Variants in RIMBP2 observed in about 807,000 individuals in gnomAD.
RIMBP2 encodes RIMS-binding protein 2.
A neutral mutation model predicts 118.6 loss-of-function variants in RIMBP2; 48 were observed. The ratio of observed to expected loss-of-function variants is 0.40; its 90% confidence interval spans 0.32 to 0.51. The LOEUF (loss-of-function observed/expected upper bound fraction) is 0.51. RIMBP2 is among the 20% of genes least tolerant of loss of function. RIMBP2 has a pLI of 0.41. For missense variants in RIMBP2, 1,551 were observed against 1,768.3 expected (o/e 0.88, Z 2.20); for synonymous variants, 762 against 742.9 (o/e 1.03, Z -0.42).
At chr12:130,618,707 TA>T (rs1276866660) in intron 2 of RIMBP2, among the ~76,000 whole-genome samples, 14 of 152,206 alleles carry the variant, frequency 9.2e-5, no homozygotes, top group Non-Finnish European at 2.9e-5. Flanking sequence ...GGAAAGTGCC[TA>T]GACGGAAACA....
intron 2 of RIMBP2, among the ~76,000 whole-genome samples, chr12:130,565,219 C>T (rs1292181862): frequency 6.6e-6 from 1 of 151,998 alleles, no homozygotes; most frequent in African/African-American, 2.4e-5. Context: ...AGTTCAGATG[C>T]CTATTATTTA....
At chr12:130,414,972 A>C (rs2076015666) in intron 17 of RIMBP2, among the ~76,000 whole-genome samples, 1 of 152,224 alleles carries the variant, frequency 6.6e-6, no homozygotes, top group Non-Finnish European at 1.5e-5. Flanking sequence ...TTCTACCAAC[A>C]TACAAAGAAG....
At chr12:130,537,928 C>G (rs1021265731) in intron 2 of RIMBP2, among the ~76,000 whole-genome samples, 1 of 152,206 alleles carries the variant, frequency 6.6e-6, no homozygotes, top group Non-Finnish European at 1.5e-5. Context: ...AGCACACTTG[C>G]TCTTGCTGTC....
Position 130,511,159 on chromosome 12 carries a change from GAC to G in RIMBP2, c.-126-4391_-126-4390del, listed in dbSNP as rs74564239. Among the ~76,000 whole-genome samples, 11,140 of 152,028 alleles carry G rather than the reference GAC, an allele frequency of 0.073. 525 individuals carry two copies. The highest frequency in any genetic ancestry group is 0.16 in the East Asian group (832 of 5,152). ...CCTTATCAGGAAAAGCAGAGTCAGA[GAC>G]AAAAAAGAGAGAGCTTAGGTGATGC... On this transcript the variant is annotated intron_variant, in intron 3 of 22. Coordinates refer to ENST00000690449, the MANE Select transcript of RIMBP2 (RefSeq NM_001393629.1). This position sits in a 1 kb window ranked among gnomAD's most constrained non-coding sequence, Gnocchi z 4.3.
rs866136775 is a variant in RIMBP2, at chr12:130,446,636, C to T, written c.582-1367G>A. The stretch of plus-strand genomic sequence containing the variant: ...TCTAACACAAAGCTCGGCAGTGGAA[C>T]GGGACAAGAGCTCTGGAAGAAGGAA... On this transcript the variant is annotated intron_variant, in intron 9 of 22. Coordinates refer to ENST00000690449, the MANE Select transcript of RIMBP2 (RefSeq NM_001393629.1). The surrounding 1 kb of genome is among the most constrained non-coding windows in gnomAD (Gnocchi z 4.1). Among the ~76,000 whole-genome samples the T allele has an allele frequency of 1.3e-5, 2 of 152,124 alleles. No individual in the cohort carries two copies. Among genetic ancestry groups the T allele is most frequent in the African/African-American group, 2.4e-5 (1 of 41,420 alleles).
intron 1 of RIMBP2, among the ~76,000 whole-genome samples, chr12:130,714,591 C>T (rs1166154769): frequency 6.6e-6 from 1 of 152,218 alleles, no homozygotes. Context: ...GGGGAATAGC[C>T]GCTGCCAGCG....
chr12:130,690,203 G>T lies in RIMBP2; in HGVS notation c.-352+26019C>A, dbSNP rs534582617. Reference sequence around the variant, plus strand: ...GGCTTGTGCAGGCTCCAGGGATTAGGCTGGGTTCTCCCAGGCGGCCTCCCT... The same window carrying T: ...GGCTTGTGCAGGCTCCAGGGATTAGTCTGGGTTCTCCCAGGCGGCCTCCCT... On this transcript the variant is annotated intron_variant, in intron 1 of 22. Transcript: ENST00000690449. Among the ~76,000 whole-genome samples, 8 of 152,310 alleles carry T rather than the reference G, an allele frequency of 5.3e-5. No homozygotes were observed. The South Asian group carries it at 1.5e-3, about 28-fold the overall frequency.
chr12:130,503,480 C>T (rs1471246639), intron 4 of RIMBP2, among the ~76,000 whole-genome samples: 1 of 152,116 alleles, frequency 6.6e-6, no homozygotes, highest in Non-Finnish European at 1.5e-5. Flanking sequence ...CCTTAGCGTT[C>T]CTCCCCAATC....
At position 130,442,605 on chromosome 12, in the gene RIMBP2, C is replaced by T. The variant is rs1566046607; in HGVS notation, c.747G>A (p.Val249=). The T allele has an allele frequency of 1.9e-6, 3 of 1,614,190 alleles. No homozygotes were observed. The highest frequency in any genetic ancestry group is 2.5e-6 in the Non-Finnish European group (3 of 1,180,028). Residue 249 remains valine, a synonymous_variant, in exon 11 of 23, where the codon GTG becomes GTA. Coordinates refer to ENST00000690449, the MANE Select transcript of RIMBP2 (RefSeq NM_001393629.1). This position sits in a 1 kb window ranked among gnomAD's most constrained non-coding sequence, Gnocchi z 6.9. ...TTGCCAACCGCGACTCGTTGTCCTG[C>T]ACAAAGTCCACGAAGTTGGAGGGCA... ...GLVPSNFVDF[V]QDNESRLAST...
intron 2 of RIMBP2, among the ~76,000 whole-genome samples, chr12:130,604,524 CA>C (rs1459812204): frequency 7.0e-6 from 1 of 143,192 alleles, no homozygotes; most frequent in Non-Finnish European, 1.5e-5. Flanking sequence ...CTCACCAGAG[CA>C]ACTTCCGGGC....
chr12:130,604,453 C>T (rs1273236977), intron 2 of RIMBP2, among the ~76,000 whole-genome samples: 23 of 146,748 alleles, frequency 1.6e-4, no homozygotes, highest in East Asian at 1.4e-3. Context: ...GAACATCCTA[C>T]GCCTTCACAT....
intron 2 of RIMBP2, among the ~76,000 whole-genome samples, chr12:130,587,132 C>G (rs1490246735): frequency 0.02 from 2,275 of 116,620 alleles, no homozygotes; most frequent in African/African-American, 0.048. Flanking sequence ...CAATGAGATA[C>G]CATCTCACAC....
intron 19 of RIMBP2, among the ~76,000 whole-genome samples, chr12:130,410,605 T>C (rs1783539914): frequency 6.6e-6 from 1 of 152,220 alleles, no homozygotes; most frequent in African/African-American, 2.4e-5. Context: ...GCACCAATGA[T>C]TGAAAAGAGC....
At chr12:130,533,372 T>G (rs1016100692) in intron 2 of RIMBP2, among the ~76,000 whole-genome samples, 1 of 152,120 alleles carries the variant, frequency 6.6e-6, no homozygotes, top group Non-Finnish European at 1.5e-5. Context: ...CTTACCCCAG[T>G]CAGAATGGCT....
At position 130,670,352 on chromosome 12, in the gene RIMBP2, C is replaced by T. The variant is rs1411081084; in HGVS notation, c.-351-41896G>A. On this transcript the variant is annotated intron_variant, in intron 1 of 22. Coordinates refer to ENST00000690449, the MANE Select transcript of RIMBP2 (RefSeq NM_001393629.1). The surrounding 1 kb of genome is among the most constrained non-coding windows in gnomAD (Gnocchi z 4.9). Reference sequence around the variant, plus strand: ...AGGAAGGCATGGAGAAGCGGATCTTCCCGGCAGCCACCAGCGTGTGAGCAT... The same window carrying T: ...AGGAAGGCATGGAGAAGCGGATCTTTCCGGCAGCCACCAGCGTGTGAGCAT... 6.6e-6 allele frequency among the ~76,000 whole-genome samples: 1 copy of T among 152,130 alleles called. No individual in the cohort carries two copies. The highest frequency in any genetic ancestry group is 1.5e-5 in the Non-Finnish European group (1 of 68,020).
intron 2 of RIMBP2, among the ~76,000 whole-genome samples, chr12:130,546,697 A>G (rs2055209820): frequency 6.6e-6 from 1 of 152,212 alleles, no homozygotes; most frequent in South Asian, 2.1e-4. Flanking sequence ...TCCCATGTCT[A>G]GAAGAAGGCC....
intron 1 of RIMBP2, among the ~76,000 whole-genome samples, chr12:130,673,982 G>A (rs1286763236): frequency 2.0e-5 from 3 of 152,000 alleles, no homozygotes; most frequent in East Asian, 1.9e-4. Context: ...GCCAGGTGGC[G>A]TAGCACGCAC....
chr12:130,715,481 TCCTGGGCGGGTGGTC>T (rs1950264921), intron 1 of RIMBP2, among the ~76,000 whole-genome samples: 1 of 151,834 alleles, frequency 6.6e-6, no homozygotes, highest in Non-Finnish European at 1.5e-5. Flanking sequence ...AGACCTAAGC[TCCTGGGCGGGTGGTC>T]CCGTACGCGC....
rs186952091 is a variant in RIMBP2, at chr12:130,689,922, C to T, written c.-352+26300G>A. ...GTGAGGCCAAATTCAAGATGCTGGC[C>T]AGGCAGGCTCTTGTCTGCAGGCTCA... On this transcript the variant is annotated intron_variant, in intron 1 of 22. Transcript: ENST00000690449. Among the ~76,000 whole-genome samples, 383 of 152,268 alleles carry T rather than the reference C, an allele frequency of 2.5e-3. 2 individuals are homozygous for T. Among genetic ancestry groups the T allele is most frequent in the African/African-American group, 8.8e-3 (366 of 41,560 alleles).
Sources: gnomAD v4.1 joint callset for allele counts (sites outside exome capture counted in the v4.1 genomes callset) on GRCh38, gnomAD v4.1.1 for gene constraint, Gnocchi (gnomAD v3.1) non-coding constraint, MANE v1.5 for transcripts, NCBI Gene and HGNC (gene_info 2026-07-23, HGNC 2026-07-21) for gene names.